EYS: variants seen among roughly 807,000 people sequenced by gnomAD.
EYS encodes EGF-like photoreceptor maintenance factor.
A neutral mutation model predicts 282.1 loss-of-function variants in EYS; 250 were observed. The ratio of observed to expected loss-of-function variants is 0.89; its 90% CI spans 0.80 to 0.98. EYS has a LOEUF of 0.98. Ranked by LOEUF, EYS falls within the 50% of genes least tolerant of loss-of-function variation. The pLI, the probability that EYS is intolerant of heterozygous loss-of-function variation, is 0.00. For synonymous variants in EYS, 1,355 were observed against 1,282.9 expected, an observed-to-expected ratio of 1.06 and a Z score of -1.20; for missense variants, 4,016 against 3,709.0, an observed-to-expected ratio of 1.08 and a Z score of -2.15.
intron 2 of EYS, among the ~76,000 whole-genome samples, chr6:65,513,626 C>T (rs1766990861): frequency 6.6e-6 from 1 of 152,164 alleles, no homozygotes; most frequent in African/African-American, 2.4e-5. Context: ...GGATGCAAGG[C>T]TGGTTCAATA....
At chr6:64,441,023 C>T (rs571429376) in intron 26 of EYS, among the ~76,000 whole-genome samples, 10 of 152,124 alleles carry the variant, frequency 6.6e-5, no homozygotes, top group Non-Finnish European at 1.0e-4. Context: ...ATCAAATTTA[C>T]GATGACGCTT....
At chr6:64,404,060 TTTAATTATG>T (rs1269451070) in intron 28 of EYS, among the ~76,000 whole-genome samples, 3 of 152,178 alleles carry the variant, frequency 2.0e-5, no homozygotes, top group African/African-American at 7.2e-5. Context: ...GTGATGGCTA[TTTAATTATG>T]TAAAATTGGG....
chr6:65,706,124 C>A (rs544823306), intron 1 of EYS, among the ~76,000 whole-genome samples: 1 of 151,366 alleles, frequency 6.6e-6, no homozygotes, highest in African/African-American at 2.4e-5. Context: ...TTTTAGAAAT[C>A]ACATTTAATA....
chr6:64,759,090 G>A (rs551383811), intron 22 of EYS, among the ~76,000 whole-genome samples: 1 of 152,236 alleles, frequency 6.6e-6, no homozygotes, highest in East Asian at 1.9e-4. Flanking sequence ...AGTGAGAAGA[G>A]ATCACTCCAC....
At chr6:64,927,085 A>G (rs1426628220) in intron 15 of EYS, among the ~76,000 whole-genome samples, 1 of 152,244 alleles carries the variant, frequency 6.6e-6, no homozygotes, top group Non-Finnish European at 1.5e-5. Flanking sequence ...GAAATGTTCA[A>G]ATGCACATCT....
At chr6:64,635,944 A>C (rs148281662) in intron 22 of EYS, among the ~76,000 whole-genome samples, 2 of 151,264 alleles carry the variant, frequency 1.3e-5, no homozygotes, top group African/African-American at 2.4e-5. Flanking sequence ...ATGTGAATCC[A>C]TCTGGTCCTG....
chr6:64,963,667 A>C (rs1196290811), intron 14 of EYS, among the ~76,000 whole-genome samples: 1 of 152,188 alleles, frequency 6.6e-6, no homozygotes, highest in African/African-American at 2.4e-5. Context: ...AATTTTAGCT[A>C]TTCGTAGTGA....
At chr6:64,877,422 T>C (rs895887633) in intron 19 of EYS, among the ~76,000 whole-genome samples, 4 of 152,176 alleles carry the variant, frequency 2.6e-5, no homozygotes, top group African/African-American at 9.7e-5. Flanking sequence ...TATGGTATTT[T>C]TTAAATGGTT....
Position 64,590,639 on chromosome 6 carries a change from G to A in EYS, c.5228C>T (p.Ser1743Phe). 1 of 1,551,264 alleles carries A rather than the reference G, an allele frequency of 6.4e-7. No homozygotes were observed. Among genetic ancestry groups the A allele is most frequent in the Non-Finnish European group, 8.7e-7 (1 of 1,146,706 alleles). The change falls in exon 26 of 43, where the codon TCT becomes TTT. Residue 1743 changes from serine to phenylalanine, a missense_variant. Transcript: ENST00000503581. Reference sequence around the variant, plus strand: ...TTGTAAGTTTAACTCAAAATCCAGAGAACTATCACTTGGGTGAAGTTTGAA... The same window carrying A: ...TTGTAAGTTTAACTCAAAATCCAGAAAACTATCACTTGGGTGAAGTTTGAA... ...TLFKLHPSDS[S>F]LDFELNLQIY... is the part of the protein sequence containing the mutation.
chr6:65,230,679 A>C (rs1766748519), intron 12 of EYS, among the ~76,000 whole-genome samples: 1 of 151,696 alleles, frequency 6.6e-6, no homozygotes, highest in Non-Finnish European at 1.5e-5. Context: ...CATTTTTCAC[A>C]TACTCCTGAG....
At chr6:65,447,751 CA>C (rs1391405871) in intron 5 of EYS, among the ~76,000 whole-genome samples, 2 of 144,560 alleles carry the variant, frequency 1.4e-5, no homozygotes, top group Non-Finnish European at 1.6e-5. Flanking sequence ...TTGTGTTTTG[CA>C]GATGCAGAGA....
chr6:63,901,381 G>A (rs559616274), intron 35 of EYS, among the ~76,000 whole-genome samples: 2 of 152,314 alleles, frequency 1.3e-5, no homozygotes, highest in South Asian at 4.1e-4. Flanking sequence ...TGTTCGAGAT[G>A]TATAGGATAA....
At chr6:65,605,444 G>A (rs1488448494) in intron 2 of EYS, among the ~76,000 whole-genome samples, 2 of 151,808 alleles carry the variant, frequency 1.3e-5, no homozygotes. Context: ...TATATACAAT[G>A]TCCACGTGCA....
At chr6:63,845,797 A>G (rs1298257327) in intron 36 of EYS, among the ~76,000 whole-genome samples, 1 of 152,134 alleles carries the variant, frequency 6.6e-6, no homozygotes, top group Non-Finnish European at 1.5e-5. Flanking sequence ...AGTTTGAATA[A>G]CCAAAAGAGC....
chr6:65,014,495 G>A (rs559162975), intron 13 of EYS, among the ~76,000 whole-genome samples: 2 of 152,262 alleles, frequency 1.3e-5, no homozygotes, highest in South Asian at 2.1e-4. Flanking sequence ...GATATTTGGA[G>A]TGAGCCCTAA....
chr6:65,059,242 C>T (rs1270932721), intron 12 of EYS, among the ~76,000 whole-genome samples: 1 of 151,658 alleles, frequency 6.6e-6, no homozygotes, highest in South Asian at 2.1e-4. Context: ...AAAAGTTAAA[C>T]AATCAGGAAA....
intron 12 of EYS, among the ~76,000 whole-genome samples, chr6:65,190,973 T>C (rs942441797): frequency 6.6e-6 from 1 of 151,814 alleles, no homozygotes; most frequent in African/African-American, 2.4e-5. Flanking sequence ...TGTATGCTAA[T>C]TCTGAAACAT....
chr6:64,270,198 G>A (rs1332913760), intron 30 of EYS, among the ~76,000 whole-genome samples: 1 of 152,038 alleles, frequency 6.6e-6, no homozygotes, highest in Non-Finnish European at 1.5e-5. Flanking sequence ...GCACTACTCT[G>A]TTTTTGGTTC....
chr6:64,992,809 T>C (rs1771111178), intron 14 of EYS, among the ~76,000 whole-genome samples: 1 of 151,970 alleles, frequency 6.6e-6, no homozygotes, highest in South Asian at 2.1e-4. Context: ...GCTTTAGTAT[T>C]TGGACAGAGA....
Sources: allele counts gnomAD v4.1 joint callset (sites outside exome capture counted in the v4.1 genomes callset), GRCh38; gene constraint gnomAD v4.1.1; transcripts MANE v1.5; gene names NCBI Gene and HGNC (gene_info 2026-07-23, HGNC 2026-07-21).